Variants in DLGAP4 observed in about 807,000 individuals in gnomAD.
The protein encoded by DLGAP4 is disks large-associated protein 4.
In DLGAP4, 18 loss-of-function variants were observed where a neutral mutation model predicts 86.9. The ratio of observed to expected loss-of-function variants is 0.21; its 90% CI spans 0.14 to 0.31. The LOEUF is 0.31. Among genes scored for constraint, DLGAP4 ranks in the 10% least tolerant of loss-of-function variants. The pLI, the probability that DLGAP4 is intolerant of heterozygous loss-of-function variation, is 1.00. For synonymous variants in DLGAP4, 548 were observed against 574.3 expected, an observed-to-expected ratio of 0.95 and a Z score of 0.65; for missense variants, 1,085 against 1,362.6, an observed-to-expected ratio of 0.80 and a Z score of 3.21.
intron 7 of DLGAP4, chr20:36,462,187 G>A: frequency 1.1e-5 from 12 of 1,066,142 alleles, no homozygotes; most frequent in Non-Finnish European, 1.4e-5. Context: ...CCAAGTTGGG[G>A]TCTTTCTCCT....
chr20:36,392,853 C>T (rs1007147607), intron 2 of DLGAP4, among the ~76,000 whole-genome samples: 4 of 152,130 alleles, frequency 2.6e-5, no homozygotes, highest in Non-Finnish European at 4.4e-5. Flanking sequence ...ATGCTGTGCT[C>T]CTGGGTGACA....
At chr20:36,466,092 C>A (rs1039850686) in intron 7 of DLGAP4, among the ~76,000 whole-genome samples, 2 of 152,174 alleles carry the variant, frequency 1.3e-5, no homozygotes, top group Non-Finnish European at 2.9e-5. Flanking sequence ...TAGACACTCT[C>A]ATTTGGCAGG....
intron 7 of DLGAP4, among the ~76,000 whole-genome samples, chr20:36,491,194 A>C (rs137963750): frequency 0.017 from 2,555 of 151,896 alleles, 22 homozygotes; most frequent in Middle Eastern, 0.031. Context: ...TCTGTCTCAA[A>C]AAAAAAAAAA....
chr20:36,414,428 C>T (rs2032596169), intron 2 of DLGAP4, among the ~76,000 whole-genome samples: 1 of 152,202 alleles, frequency 6.6e-6, no homozygotes, highest in South Asian at 2.1e-4. Flanking sequence ...CCAGGAATGT[C>T]CATACCAGGG....
chr20:36,309,319 G>A (rs919823359), intron 1 of DLGAP4, among the ~76,000 whole-genome samples: 1,673 of 152,280 alleles, frequency 0.011, 19 homozygotes, highest in Middle Eastern at 0.041. Context: ...GGGCAGGGTC[G>A]TGCCTGTCTC....
chr20:36,523,646 A>G (rs2037517523), intron 10 of DLGAP4, among the ~76,000 whole-genome samples: 1 of 152,196 alleles, frequency 6.6e-6, no homozygotes, highest in African/African-American at 2.4e-5. Context: ...TCAGTTTCTT[A>G]AAAATATTTA....
At chr20:36,387,148 T>C (rs1306753617) in intron 2 of DLGAP4, among the ~76,000 whole-genome samples, 2 of 152,246 alleles carry the variant, frequency 1.3e-5, no homozygotes, top group African/African-American at 4.8e-5. Context: ...CTGTTAGTGA[T>C]ATATCTGAGT....
intron 6 of DLGAP4, 36 bp downstream of exon 6, chr20:36,442,813 C>A: frequency 6.2e-7 from 1 of 1,614,012 alleles, no homozygotes; most frequent in Non-Finnish European, 8.5e-7. Context: ...ACCCCAATCC[C>A]AGAGTGTAGG....
Position 36,436,110 on chromosome 20 carries a change from T to C in DLGAP4, c.1001T>C (p.Val334Ala). Residue 334 changes from valine (V) to alanine (A), a missense_variant and splice_region_variant, in exon 4 of 13, where the codon GTG (valine) becomes GCG (alanine). Coordinates refer to ENST00000339266, the MANE Select transcript of DLGAP4 (RefSeq NM_001365621.2). ...HQGLAYHYLQ[V>A]PGGGGEWSTT... Reference sequence around the variant, plus strand: ...CTGAGTCCTGTGCCCCATCCCCAGGTGCCCGGCGGCGGCGGCGAGTGGAGC... The same window carrying C: ...CTGAGTCCTGTGCCCCATCCCCAGGCGCCCGGCGGCGGCGGCGAGTGGAGC... The C allele has an allele frequency of 6.4e-7, 1 of 1,567,766 alleles. No individual in the cohort carries two copies. The highest frequency in any genetic ancestry group is 2.3e-5 in the East Asian group (1 of 43,916).
chr20:36,484,220 G>C (rs2035310783), intron 7 of DLGAP4, among the ~76,000 whole-genome samples: 1 of 152,196 alleles, frequency 6.6e-6, no homozygotes, highest in African/African-American at 2.4e-5. Context: ...TAGTTAAAGT[G>C]CTTCATGCTA....
chr20:36,434,829 C>A (rs538082484), intron 3 of DLGAP4, among the ~76,000 whole-genome samples: 1 of 152,092 alleles, frequency 6.6e-6, no homozygotes, highest in Non-Finnish European at 1.5e-5. Flanking sequence ...GTAGACATGG[C>A]CCTTGGGCAG....
At chr20:36,409,414 C>CTT (rs763499914) in intron 2 of DLGAP4, among the ~76,000 whole-genome samples, 1 of 130,624 alleles carries the variant, frequency 7.7e-6, no homozygotes, top group African/African-American at 2.8e-5. Flanking sequence ...TTTTTTAACT[C>CTT]TTTTTTTTTT....
intron 1 of DLGAP4, among the ~76,000 whole-genome samples, chr20:36,366,189 G>A (rs1459989323): frequency 2.6e-5 from 4 of 152,120 alleles, no homozygotes; most frequent in East Asian, 1.9e-4. Context: ...ACACCATCTC[G>A]GCTCACTGCA....
intron 1 of DLGAP4, among the ~76,000 whole-genome samples, chr20:36,351,542 CCAACT>C (rs2030154868): frequency 6.6e-6 from 1 of 151,804 alleles, no homozygotes; most frequent in South Asian, 2.1e-4. Context: ...GCTCAGGGCT[CCAACT>C]GATTCTGCGT....
intron 6 of DLGAP4, among the ~76,000 whole-genome samples, chr20:36,445,858 G>C (rs776229810): frequency 1.3e-5 from 2 of 152,324 alleles, no homozygotes; most frequent in Admixed American, 1.3e-4. Context: ...ACATGGGTCA[G>C]ATAGCCCTTC....
At chr20:36,437,444 C>A (rs2033319901) in intron 4 of DLGAP4, among the ~76,000 whole-genome samples, 1 of 152,192 alleles carries the variant, frequency 6.6e-6, no homozygotes, top group Admixed American at 6.5e-5. Context: ...GAGTGCATCA[C>A]CTGTAACAGC....
intron 1 of DLGAP4, among the ~76,000 whole-genome samples, chr20:36,311,084 A>G (rs2065049157): frequency 6.6e-6 from 1 of 152,190 alleles, no homozygotes; most frequent in Non-Finnish European, 1.5e-5. Context: ...CAGCACGTGC[A>G]GTACTCTACA....
At chr20:36,447,909 G>T (rs1316293645) in intron 7 of DLGAP4, among the ~76,000 whole-genome samples, 1 of 126,642 alleles carries the variant, frequency 7.9e-6, no homozygotes, top group Non-Finnish European at 1.7e-5. Flanking sequence ...GGTGGGGGGG[G>T]GGGAGACAAG....
Position 36,380,374 on chromosome 20 carries a change from C to T in DLGAP4, c.-73+13099C>T, listed in dbSNP as rs114045545. Among the ~76,000 whole-genome samples the T allele has an allele frequency of 6.0e-3, 908 of 151,656 alleles. 10 individuals are homozygous for T. Among genetic ancestry groups the T allele is most frequent in the African/African-American group, 0.021 (861 of 41,308 alleles). ...GCAGTGAGCTGAGATCACACCACTG[C>T]ATCCAGCCTGGGTGACAGTGAGACC... On this transcript the variant is annotated intron_variant, in intron 2 of 12. Transcript: ENST00000339266.
Sources: gnomAD v4.1 joint callset for allele counts (sites outside exome capture counted in the v4.1 genomes callset) on GRCh38, gnomAD v4.1.1 for gene constraint, MANE v1.5 for transcripts, NCBI Gene and HGNC (gene_info 2026-07-23, HGNC 2026-07-21) for gene names.